The following ADGRL3 variants were observed in gnomAD, a reference collection of about 807,000 sequenced individuals.
ADGRL3 encodes the protein adhesion G protein-coupled receptor L3, also known as calcium-independent alpha-latrotoxin receptor 3.
ADGRL3 carries 62 observed loss-of-function variants against 153.5 expected under a neutral mutation model. The observed-to-expected ratio is 0.40, with a 90% confidence interval of 0.33 to 0.50. The LOEUF (loss-of-function observed/expected upper bound fraction) is 0.50. Among genes scored for constraint, ADGRL3 ranks in the 20% least tolerant of loss-of-function variants. The pLI, the probability that ADGRL3 is intolerant of heterozygous loss-of-function variation, is 0.47. For synonymous variants in ADGRL3, 710 were observed against 672.5 expected, an observed-to-expected ratio of 1.06 and a Z score of -0.86; for missense variants, 1,641 against 1,859.4, an observed-to-expected ratio of 0.88 and a Z score of 2.16.
rs1451633725 is a variant in ADGRL3, at chr4:61,669,280, T to C, written c.474-7546T>C. On this transcript the variant is annotated intron_variant, in intron 5 of 26. Transcript: ENST00000683033. Reference sequence around the variant, plus strand: ...ATATTTGTTTTCTACCATTAGATAGTTGTCTCATCTTTTTTGGTCTTCTAA... The same window carrying C: ...ATATTTGTTTTCTACCATTAGATAGCTGTCTCATCTTTTTTGGTCTTCTAA... Among the ~76,000 whole-genome samples the C allele has an allele frequency of 2.6e-5, 4 of 152,156 alleles. No homozygotes were observed. The East Asian group carries it at 7.7e-4, about 29-fold the overall frequency.
In ADGRL3 at chr4:61,289,868, T is replaced by G. The variant is rs1002047503; in HGVS notation, c.-240+88103T>G. Among the ~76,000 whole-genome samples the G allele has an allele frequency of 3.3e-5, 5 of 152,130 alleles. No homozygotes were observed. The South Asian group carries it at 8.3e-4, about 25-fold the overall frequency. Reference sequence around the variant, plus strand: ...ACCCTGGGCCACTGGTTCCTCAGGTTACTCTTCTATACAATGGCTGTTATG... The same window carrying G: ...ACCCTGGGCCACTGGTTCCTCAGGTGACTCTTCTATACAATGGCTGTTATG... On this transcript the variant is annotated intron_variant, in intron 1 of 26. Transcript: ENST00000683033.
intron 2 of ADGRL3, among the ~76,000 whole-genome samples, chr4:61,460,998 A>T (rs1336538955): frequency 1.3e-5 from 2 of 152,182 alleles, no homozygotes; most frequent in African/African-American, 4.8e-5. Flanking sequence ...TGAGCCTGGG[A>T]GGCAGAGGTT....
At chr4:62,061,762 A>G (rs752504311) in intron 25 of ADGRL3, among the ~76,000 whole-genome samples, 1 of 152,020 alleles carries the variant, frequency 6.6e-6, no homozygotes, top group African/African-American at 2.4e-5. Flanking sequence ...TTCTCTAAAG[A>G]TTTATCCAAG....
intron 1 of ADGRL3, among the ~76,000 whole-genome samples, chr4:61,350,435 G>A (rs1487131754): frequency 6.8e-6 from 1 of 146,436 alleles, no homozygotes; most frequent in East Asian, 2.1e-4. Context: ...GTGATATGGT[G>A]CTCTTTACGT....
chr4:61,689,162 G>A (rs1221331230), intron 6 of ADGRL3, among the ~76,000 whole-genome samples: 2 of 152,058 alleles, frequency 1.3e-5, no homozygotes, highest in Non-Finnish European at 2.9e-5. Context: ...CGAATCATAT[G>A]TCTTTTATTT....
rs189907956 is a variant in ADGRL3, at chr4:61,368,110, T to G, written c.-239-15014T>G. ...GTTTGTTTTTTTCTGTAAATTTGTTTGAGTTCATTGTAGATTCTGGATATT... is the reference window on the plus strand; with the variant it reads ...GTTTGTTTTTTTCTGTAAATTTGTTGGAGTTCATTGTAGATTCTGGATATT... On this transcript the variant is annotated intron_variant, in intron 1 of 26. Transcript: ENST00000683033. Among the ~76,000 whole-genome samples, 780 of 151,932 alleles carry G rather than the reference T, an allele frequency of 5.1e-3. 10 individuals carry two copies. The highest frequency in any genetic ancestry group is 0.018 in the African/African-American group (734 of 41,422).
chr4:61,644,664 T>C (rs1356136172), intron 5 of ADGRL3, among the ~76,000 whole-genome samples: 4 of 152,212 alleles, frequency 2.6e-5, no homozygotes, highest in African/African-American at 9.7e-5. Context: ...TTTGTTATAA[T>C]TTCTGTTCTT....
chr4:62,050,148 C>T (rs1733330257), intron 25 of ADGRL3, among the ~76,000 whole-genome samples: 5 of 151,884 alleles, frequency 3.3e-5, no homozygotes, highest in African/African-American at 1.2e-4. Context: ...ATTGTGCTAC[C>T]CTGGAGGCTA....
chr4:61,488,034 G>A (rs2152765793), intron 2 of ADGRL3, among the ~76,000 whole-genome samples: 1 of 152,150 alleles, frequency 6.6e-6, no homozygotes, highest in African/African-American at 2.4e-5. Flanking sequence ...CAGAAAAGAT[G>A]TTAACTCAAG....
At chr4:61,571,045 C>T (rs1411092809) in intron 4 of ADGRL3, among the ~76,000 whole-genome samples, 1 of 151,848 alleles carries the variant, frequency 6.6e-6, no homozygotes, top group Admixed American at 6.6e-5. Context: ...AAGGTTATCT[C>T]AAAAGATATT....
At chr4:61,980,092 C>T (rs1016396114) in intron 18 of ADGRL3, among the ~76,000 whole-genome samples, 2 of 152,136 alleles carry the variant, frequency 1.3e-5, no homozygotes, top group African/African-American at 4.8e-5. Flanking sequence ...TAGTGTCCTT[C>T]ATTTTCAACA....
At chr4:61,773,507 C>G (rs2097109745) in intron 8 of ADGRL3, among the ~76,000 whole-genome samples, 1 of 152,160 alleles carries the variant, frequency 6.6e-6, no homozygotes, top group African/African-American at 2.4e-5. Context: ...GAAGCCCTCA[C>G]TTTTCCGAAA....
At chr4:61,923,065 C>A (rs2098777629) in intron 13 of ADGRL3, among the ~76,000 whole-genome samples, 2 of 152,038 alleles carry the variant, frequency 1.3e-5, no homozygotes, top group South Asian at 2.1e-4. Context: ...CACCCAAGGC[C>A]AAGATGGTCA....
chr4:61,273,147 G>T (rs1350247259), intron 1 of ADGRL3, among the ~76,000 whole-genome samples: 1 of 152,134 alleles, frequency 6.6e-6, no homozygotes, highest in Admixed American at 6.6e-5. Context: ...TGTTGCTATC[G>T]TTTTTAACAC....
At chr4:61,250,582 GA>G (rs746410169) in intron 1 of ADGRL3, among the ~76,000 whole-genome samples, 17 of 152,118 alleles carry the variant, frequency 1.1e-4, no homozygotes, top group Middle Eastern at 3.2e-3. Flanking sequence ...TGAATTCTAA[GA>G]ATTGCCAGTT....
intron 19 of ADGRL3, among the ~76,000 whole-genome samples, chr4:61,994,826 T>A (rs889306396): frequency 1.3e-5 from 2 of 151,990 alleles, no homozygotes; most frequent in African/African-American, 4.8e-5. Context: ...TGTGTGTGTA[T>A]GTTTAACATG....
chr4:61,822,426 G>T (rs917563363), intron 9 of ADGRL3, among the ~76,000 whole-genome samples: 2 of 152,006 alleles, frequency 1.3e-5, no homozygotes, highest in African/African-American at 4.8e-5. Context: ...CAGACTTAAT[G>T]ATCATGATTA....
At chr4:61,637,537 G>T (rs529457034) in intron 5 of ADGRL3, among the ~76,000 whole-genome samples, 1 of 152,252 alleles carries the variant, frequency 6.6e-6, no homozygotes, top group South Asian at 2.1e-4. Flanking sequence ...GCTAAGGCGG[G>T]CAGATCACTG....
Position 61,732,896 on chromosome 4 carries a change from T to C in ADGRL3, c.741T>C (p.Thr247=). The change falls in exon 8 of 27, where the codon ACT becomes ACC. Residue 247 remains threonine, a synonymous_variant. Transcript: ENST00000683033. ...ATATGCCCTGGACTCCCTACAGAACTGATACCCTGACTGAGTATTCATCCA... is the reference window on the plus strand; with the variant it reads ...ATATGCCCTGGACTCCCTACAGAACCGATACCCTGACTGAGTATTCATCCA... ...IYYMPWTPYR[T]DTLTEYSSKD... The C allele has an allele frequency of 6.2e-7, 1 of 1,613,686 alleles. No individual in the cohort carries two copies.
Sources: gnomAD v4.1 joint callset for allele counts (sites outside exome capture counted in the v4.1 genomes callset) on GRCh38, gnomAD v4.1.1 for gene constraint, MANE v1.5 for transcripts, NCBI Gene and HGNC (gene_info 2026-07-23, HGNC 2026-07-21) for gene names.